CADM2: variants seen among roughly 807,000 people sequenced by gnomAD.
CADM2 encodes immunoglobulin superfamily member 4D.
In CADM2, 12 loss-of-function variants were observed where a neutral mutation model predicts 49.8. That is an observed-to-expected ratio of 0.24 (90% CI 0.15 to 0.39). The LOEUF is 0.39. Among genes scored for constraint, CADM2 ranks in the 10% least tolerant of loss-of-function variants. The pLI is 1.00. For missense variants in CADM2, 378 were observed against 492.3 expected, an observed-to-expected ratio of 0.77 and a Z score of 2.20; for synonymous variants, 214 against 175.4, an observed-to-expected ratio of 1.22 and a Z score of -1.74.
At chr3:85,341,540 T>C (rs569718978) in intron 1 of CADM2, among the ~76,000 whole-genome samples, 2 of 152,132 alleles carry the variant, frequency 1.3e-5, no homozygotes, top group African/African-American at 4.8e-5. Flanking sequence ...ATGAGTTATA[T>C]AGATCATATA....
chr3:85,070,178 G>A (rs534879196), intron 1 of CADM2, among the ~76,000 whole-genome samples: 2 of 151,860 alleles, frequency 1.3e-5, no homozygotes, highest in Non-Finnish European at 2.9e-5. Context: ...TTATCTACTG[G>A]CACTTTTTTC....
At chr3:85,601,740 G>T in intron 1 of CADM2, among the ~76,000 whole-genome samples, 1 of 149,640 alleles carries the variant, frequency 6.7e-6, no homozygotes, top group East Asian at 2.0e-4. Flanking sequence ...CTTCTCTTTT[G>T]GAATTCTTTC....
At chr3:85,835,558 G>A (rs2074372422) in intron 3 of CADM2, among the ~76,000 whole-genome samples, 1 of 150,702 alleles carries the variant, frequency 6.6e-6, no homozygotes, top group African/African-American at 2.4e-5. Context: ...GAACTGTAAT[G>A]CCTTTTGCTT....
At position 85,806,802 on chromosome 3, in the gene CADM2, C is replaced by T. The variant is rs141438840; in HGVS notation, c.238+4606C>T. 2.8e-3 allele frequency among the ~76,000 whole-genome samples: 424 copies of T among 152,090 alleles called. 1 individual carries two copies. Among genetic ancestry groups the T allele is most frequent in the African/African-American group, 9.8e-3 (408 of 41,484 alleles). On this transcript the variant is annotated intron_variant, in intron 3 of 9. Coordinates refer to ENST00000383699, the MANE Select transcript of CADM2 (RefSeq NM_001167675.2). ...AGTGAATATTCGGGAATCTCTTCCC[C>T]GGGGAGATAGGAGTCTAGTGGGGGA...
intron 1 of CADM2, among the ~76,000 whole-genome samples, chr3:85,442,705 C>A (rs1374704354): frequency 6.9e-6 from 1 of 145,936 alleles, no homozygotes; most frequent in Non-Finnish European, 1.5e-5. Flanking sequence ...TTTTTGCAGC[C>A]CTTTAAGTGT....
chr3:85,339,216 T>A (rs537257030), intron 1 of CADM2, among the ~76,000 whole-genome samples: 8 of 151,578 alleles, frequency 5.3e-5, no homozygotes, highest in African/African-American at 1.7e-4. Flanking sequence ...GCACCAGAAG[T>A]CAGGCATTAA....
intron 1 of CADM2, among the ~76,000 whole-genome samples, chr3:85,560,809 T>A (rs1039355156): frequency 2.0e-5 from 3 of 152,168 alleles, no homozygotes; most frequent in African/African-American, 7.2e-5. Flanking sequence ...ATAATTAAAG[T>A]TTAAAACAAA....
At chr3:85,855,983 A>G (rs1191707868) in intron 3 of CADM2, among the ~76,000 whole-genome samples, 1 of 152,160 alleles carries the variant, frequency 6.6e-6, no homozygotes, top group Non-Finnish European at 1.5e-5. Context: ...TAAGATGGAA[A>G]TCAATGCAGC....
chr3:85,841,316 G>A (rs1190304284), intron 3 of CADM2, among the ~76,000 whole-genome samples: 1 of 151,776 alleles, frequency 6.6e-6, no homozygotes, highest in Non-Finnish European at 1.5e-5. Flanking sequence ...ATATAAGAGA[G>A]GTAGAGAGGA....
At position 85,027,109 on chromosome 3, in the gene CADM2, C is replaced by CTTTTTTTTTTTTTTTTTTTTTTTTTTTT. The variant is rs1160735135; in HGVS notation, c.61+67464_61+67465insTTTTTTTTTTTTTTTTTTTTTTTTTTTT. Among the ~76,000 whole-genome samples the CTTTTTTTTTTTTTTTTTTTTTTTTTTTT allele has an allele frequency of 1.1e-4, 6 of 55,690 alleles. 2 individuals are homozygous for CTTTTTTTTTTTTTTTTTTTTTTTTTTTT. The highest frequency in any genetic ancestry group is 1.9e-4 in the African/African-American group (2 of 10,260). 36.5% of individuals were successfully genotyped at this position (55,690 alleles called of 152,430 possible). A position where few individuals can be genotyped will look rare whatever the true frequency, so the allele number is the denominator to read the frequency against. On this transcript the variant is annotated intron_variant, in intron 1 of 9. Transcript: ENST00000383699. ...TGGTTGTTGTTGCTTTTTCTTTTTC[C>CTTTTTTTTTTTTTTTTTTTTTTTTTTTT]TTTTTTTTTTTTTTTTTTTTTTTAA...
chr3:85,885,133 A>C (rs1258662017), intron 4 of CADM2, among the ~76,000 whole-genome samples: 1 of 152,098 alleles, frequency 6.6e-6, no homozygotes. Flanking sequence ...ATGTTTTGTG[A>C]GTTTTTTTTC....
chr3:85,529,859 T>G (rs975099119), intron 1 of CADM2, among the ~76,000 whole-genome samples: 1 of 152,152 alleles, frequency 6.6e-6, no homozygotes, highest in African/African-American at 2.4e-5. Flanking sequence ...AGAGACATTC[T>G]TTCTGAATTT....
intron 3 of CADM2, among the ~76,000 whole-genome samples, chr3:85,860,483 T>C (rs181054824): frequency 8.5e-5 from 13 of 152,290 alleles, no homozygotes; most frequent in African/African-American, 2.9e-4. Context: ...TGTGCTGCTA[T>C]AACAAAATTT....
chr3:85,385,800 C>CTCTTTT (rs374128243), intron 1 of CADM2: 1 of 127,506 alleles, frequency 7.8e-6, no homozygotes, highest in Non-Finnish European at 1.6e-5. Flanking sequence ...TTCTCTCTCT[C>CTCTTTT]TTTTTTTTTT....
At chr3:86,060,497 G>A (rs888765434) in intron 8 of CADM2, among the ~76,000 whole-genome samples, 1 of 152,066 alleles carries the variant, frequency 6.6e-6, no homozygotes, top group East Asian at 1.9e-4. Context: ...CTTTGTTCAA[G>A]TCATCCCAAC....
chr3:85,770,003 A>G (rs954335270), intron 2 of CADM2, among the ~76,000 whole-genome samples: 1 of 151,958 alleles, frequency 6.6e-6, no homozygotes, highest in Non-Finnish European at 1.5e-5. Context: ...AACAAACAAA[A>G]AAAACAGCAT....
chr3:86,013,614 T>A (rs760954664), intron 8 of CADM2: 2 of 1,599,376 alleles, frequency 1.3e-6, no homozygotes, highest in African/African-American at 2.7e-5. Context: ...AGAATCACAC[T>A]TCTTTTCCAT....
At chr3:85,460,245 G>A (rs954298850) in intron 1 of CADM2, among the ~76,000 whole-genome samples, 1 of 151,440 alleles carries the variant, frequency 6.6e-6, no homozygotes, top group Non-Finnish European at 1.5e-5. Context: ...TAAGAAGGGA[G>A]TATTTCTGAA....
intron 1 of CADM2, among the ~76,000 whole-genome samples, chr3:85,081,249 T>C (rs887419424): frequency 6.6e-6 from 1 of 152,150 alleles, no homozygotes; most frequent in Non-Finnish European, 1.5e-5. Flanking sequence ...CAAATACGCA[T>C]TGAAATCAGA....
Sources: gnomAD v4.1 joint callset for allele counts (sites outside exome capture counted in the v4.1 genomes callset) on GRCh38, gnomAD v4.1.1 for gene constraint, MANE v1.5 for transcripts, NCBI Gene and HGNC (gene_info 2026-07-23, HGNC 2026-07-21) for gene names.